DUSP22: variants seen among roughly 807,000 people sequenced by gnomAD.
The protein encoded by DUSP22 is dual specificity phosphatase 22, also known as dual specificity protein phosphatase 22.
A neutral mutation model predicts 24.5 loss-of-function variants in DUSP22; 24 were observed. That is an observed-to-expected ratio of 0.98 (90% CI 0.71 to 1.38). DUSP22 has a LOEUF of 1.38. Among genes scored for constraint, DUSP22 ranks in the 40% most tolerant of loss-of-function variants. The pLI is 0.00. For synonymous variants in DUSP22, 160 were observed against 106.4 expected (o/e 1.50, Z -3.10); for missense variants, 330 against 269.2 (o/e 1.23, Z -1.58).
intron 3 of DUSP22, among the ~76,000 whole-genome samples, chr6:328,700 T>C (rs1759001628): frequency 2.6e-5 from 4 of 152,426 alleles, no homozygotes; most frequent in Admixed American, 1.3e-4. Context: ...AGAAAATACA[T>C]CTTCAGTTTA....
chr6:343,686 C>CAT (rs1759722587), intron 4 of DUSP22, among the ~76,000 whole-genome samples: 8 of 152,068 alleles, frequency 5.3e-5, no homozygotes, highest in South Asian at 4.2e-4. Flanking sequence ...TGCATGTTTG[C>CAT]GTGTGCATGT....
At chr6:301,012 A>G (rs1561647289) in intron 1 of DUSP22, among the ~76,000 whole-genome samples, 1 of 152,300 alleles carries the variant, frequency 6.6e-6, no homozygotes, top group African/African-American at 2.4e-5. Flanking sequence ...CAAAGAGGAC[A>G]CTCTAGGCTA....
chr6:346,963 T>G (rs949222939), intron 5 of DUSP22, among the ~76,000 whole-genome samples: 1 of 152,312 alleles, frequency 6.6e-6, no homozygotes, highest in Non-Finnish European at 1.5e-5. Context: ...TTTAGAATGG[T>G]GTCTGCAGTT....
intron 2 of DUSP22, among the ~76,000 whole-genome samples, chr6:306,430 A>G (rs1205522165): frequency 2.6e-5 from 4 of 152,306 alleles, no homozygotes; most frequent in Admixed American, 2.0e-4. Context: ...TAAATATTCA[A>G]TAACATAGGA....
chr6:343,243 A>G (rs73717038), intron 4 of DUSP22, among the ~76,000 whole-genome samples: 47 of 152,414 alleles, frequency 3.1e-4, no homozygotes, highest in African/African-American at 1.1e-3. Flanking sequence ...TAGTTCAACA[A>G]TGTTTAAAAC....
At chr6:347,698 A>C (rs2671409) in intron 5 of DUSP22, among the ~76,000 whole-genome samples, 985 of 152,046 alleles carry the variant, frequency 6.5e-3, no homozygotes, top group African/African-American at 0.023. Flanking sequence ...TTTAAGGAAC[A>C]TGAAGCATTC....
chr6:316,898 G>A (rs1298512719), intron 3 of DUSP22, among the ~76,000 whole-genome samples: 2 of 152,312 alleles, frequency 1.3e-5, no homozygotes, highest in African/African-American at 2.4e-5. Context: ...ATGAAGACCA[G>A]GGTATTGTAT....
Position 292,566 on chromosome 6 carries a change from G to C in DUSP22, c.21+6G>C. On this transcript the variant is annotated splice_donor_region_variant and intron_variant, in intron 1 of 6. Transcript: ENST00000419235. The stretch of plus-strand genomic sequence containing the variant: ...TGGGGAATGGGATGAACAAGGTAAC[G>C]TCTTCCCTCGTTCGCGCTGGGTTTG... 6.3e-7 allele frequency: 1 copy of C among 1,598,074 alleles called. No individual in the cohort carries two copies. The highest frequency in any genetic ancestry group is 8.5e-7 in the Non-Finnish European group (1 of 1,172,728).
chr6:340,451 C>G (rs1447242214), intron 4 of DUSP22, among the ~76,000 whole-genome samples: 1 of 152,304 alleles, frequency 6.6e-6, no homozygotes, highest in Non-Finnish European at 1.5e-5. Context: ...AAGCAGCTCT[C>G]TGTTATGAAA....
rs1296684174 is a variant in DUSP22 at position 349,826 on chromosome 6, C to G, written c.*875C>G. On this transcript the variant is annotated 3_prime_UTR_variant, in exon 7 of 7. Transcript: ENST00000419235. ...TGTTTGTTCTCTGGAGCTGATTGCACTTGAGCTCTGTGGTGGGCAGGCGCA... is the reference window on the plus strand; with the variant it reads ...TGTTTGTTCTCTGGAGCTGATTGCAGTTGAGCTCTGTGGTGGGCAGGCGCA... 4 of 985,962 alleles carry G rather than the reference C, an allele frequency of 4.1e-6. No individual in the cohort carries two copies. The African/African-American group carries it at 7.0e-5, about 17-fold the overall frequency. 61.1% of individuals were successfully genotyped at this position (985,962 alleles called of 1,614,324 possible). A position where few individuals can be genotyped will look rare whatever the true frequency, so the allele number is the denominator to read the frequency against.
At position 350,938 on chromosome 6, in the gene DUSP22, C is replaced by A; in HGVS notation, c.*1987C>A. On this transcript the variant is annotated 3_prime_UTR_variant, in exon 7 of 7. Coordinates refer to ENST00000419235, the MANE Select transcript of DUSP22 (RefSeq NM_001286555.3). ...CTGGTGCTGCCAAAAAGAAAAGCAA[C>A]ATAGAGTTTAAGTATCCAGTAGTGA... 6.3e-7 allele frequency: 1 copy of A among 1,594,686 alleles called. No homozygotes were observed. The highest frequency in any genetic ancestry group is 8.6e-7 in the Non-Finnish European group (1 of 1,164,040).
intron 3 of DUSP22, among the ~76,000 whole-genome samples, chr6:322,814 G>T (rs1758662474): frequency 6.7e-6 from 1 of 148,970 alleles, no homozygotes; most frequent in African/African-American, 2.5e-5. Flanking sequence ...AGATTCCGTG[G>T]GTTATGGCTG....
intron 4 of DUSP22, chr6:337,242 A>C (rs1032783551): frequency 4.6e-5 from 7 of 152,272 alleles, no homozygotes; most frequent in African/African-American, 1.7e-4. Context: ...AGTTACACCT[A>C]CCTTGGGCAG....
chr6:320,621 T>C (rs1758541795), intron 3 of DUSP22, among the ~76,000 whole-genome samples: 2 of 152,300 alleles, frequency 1.3e-5, no homozygotes, highest in Admixed American at 1.3e-4. Context: ...AAGGGCTGCA[T>C]GGTCATGGGC....
At chr6:306,038 G>A (rs560319903) in intron 2 of DUSP22, among the ~76,000 whole-genome samples, 102 of 152,386 alleles carry the variant, frequency 6.7e-4, no homozygotes, top group African/African-American at 2.3e-3. Flanking sequence ...GCTGCTAATT[G>A]CTACAAGAAC....
chr6:322,885 G>A (rs1229537399), intron 3 of DUSP22, among the ~76,000 whole-genome samples: 1 of 152,236 alleles, frequency 6.6e-6, no homozygotes, highest in African/African-American at 2.4e-5. Flanking sequence ...GGAAGTTAAA[G>A]GGGGTAGGTT....
chr6:348,520 C>A (rs1426852339), intron 6 of DUSP22: 1 of 864,076 alleles, frequency 1.2e-6, no homozygotes, highest in African/African-American at 1.7e-5. Flanking sequence ...GTTTGTTTCT[C>A]TCCCTTTGGG....
chr6:327,422 C>A (rs981997829), intron 3 of DUSP22, among the ~76,000 whole-genome samples: 1 of 152,294 alleles, frequency 6.6e-6, no homozygotes, highest in South Asian at 2.1e-4. Flanking sequence ...GCTGTCAGGG[C>A]GCATTGGGTT....
At chr6:317,199 G>A (rs961284863) in intron 3 of DUSP22, among the ~76,000 whole-genome samples, 8 of 152,304 alleles carry the variant, frequency 5.3e-5, no homozygotes, top group East Asian at 1.9e-4. Flanking sequence ...ACTCACCAAG[G>A]TGAGACGCCC....
Sources: gnomAD v4.1 joint callset for allele counts (sites outside exome capture counted in the v4.1 genomes callset) on GRCh38, gnomAD v4.1.1 for gene constraint, MANE v1.5 for transcripts, NCBI Gene and HGNC (gene_info 2026-07-23, HGNC 2026-07-21) for gene names.